The following ADAM22 variants were observed in gnomAD, a reference collection of about 807,000 sequenced individuals.
The protein encoded by ADAM22 is ADAM metallopeptidase domain 22, also known as disintegrin and metalloproteinase domain-containing protein 22.
A neutral mutation model predicts 144.6 loss-of-function variants in ADAM22; 65 were observed. The observed-to-expected ratio is 0.45, with a 90% CI of 0.37 to 0.55. The LOEUF (loss-of-function observed/expected upper bound fraction) is 0.55. Among genes scored for constraint, ADAM22 ranks in the 20% least tolerant of loss-of-function variants. The probability of loss-of-function intolerance (pLI) is 0.00; values close to 1 mark genes in which losing one functional copy is unlikely to be tolerated. For synonymous variants in ADAM22, 391 were observed against 412.6 expected, an observed-to-expected ratio of 0.95 and a Z score of 0.63; for missense variants, 974 against 1,184.9, an observed-to-expected ratio of 0.82 and a Z score of 2.61.
rs1491263697 is a variant in ADAM22, at chr7:88,096,229, ACT to A, written c.391-11946_391-11945del. Among the ~76,000 whole-genome samples the A allele has an allele frequency of 2.1e-4, 25 of 120,398 alleles. No homozygotes were observed. In the Admixed American group the frequency reaches 2.6e-3, roughly 13 times the overall value. The allele number at this position is 120,398 out of a possible 152,430, so 79.0% of individuals were successfully genotyped here. A position where few individuals can be genotyped will look rare whatever the true frequency, so the allele number is the denominator to read the frequency against. On this transcript the variant is annotated intron_variant, in intron 4 of 31. Coordinates refer to ENST00000413139, the MANE Select transcript of ADAM22 (RefSeq NM_001324418.2). ...TGAGTCATTGTGCCTGGCTGAAAAT[ACT>A]TTTTTTTTTTTTTCCCCCAAAGAAC...
chr7:88,170,956 G>GT (rs1844170760), intron 25 of ADAM22, among the ~76,000 whole-genome samples: 1 of 151,886 alleles, frequency 6.6e-6, no homozygotes, highest in African/African-American at 2.4e-5. Flanking sequence ...CATTGAACAA[G>GT]TATTTCCAAT....
intron 4 of ADAM22, among the ~76,000 whole-genome samples, chr7:88,080,246 A>C (rs987403116): frequency 6.6e-6 from 1 of 152,188 alleles, no homozygotes; most frequent in South Asian, 2.1e-4. Context: ...CTGAATGACT[A>C]CTGGGTACAT....
At chr7:87,999,642 A>G (rs1792060263) in intron 3 of ADAM22, among the ~76,000 whole-genome samples, 1 of 152,202 alleles carries the variant, frequency 6.6e-6, no homozygotes, top group Non-Finnish European at 1.5e-5. Flanking sequence ...AACATTTTAA[A>G]ACTTAGAGGG....
At chr7:88,150,026 G>A (rs1177036206) in intron 18 of ADAM22, among the ~76,000 whole-genome samples, 1 of 152,162 alleles carries the variant, frequency 6.6e-6, no homozygotes, top group African/African-American at 2.4e-5. Flanking sequence ...CCTGAGAGAT[G>A]TGAAGATGTG....
At chr7:88,123,011 A>G (rs560472497) in intron 7 of ADAM22, among the ~76,000 whole-genome samples, 10 of 152,288 alleles carry the variant, frequency 6.6e-5, no homozygotes, top group African/African-American at 2.2e-4. Context: ...ATGCTTTTCT[A>G]TGTCTATTAC....
At chr7:88,074,162 C>G (rs1439516501) in intron 3 of ADAM22, among the ~76,000 whole-genome samples, 1 of 151,992 alleles carries the variant, frequency 6.6e-6, no homozygotes, top group Non-Finnish European at 1.5e-5. Flanking sequence ...TCAATTGTGT[C>G]GAAGCTGAAA....
intron 3 of ADAM22, among the ~76,000 whole-genome samples, chr7:88,001,001 A>G (rs746974265): frequency 1.4e-4 from 21 of 152,222 alleles, no homozygotes; most frequent in Non-Finnish European, 2.5e-4. Flanking sequence ...TGATTGCATT[A>G]TCATGCAATT....
chr7:87,968,714 C>A (rs947788050), intron 2 of ADAM22, among the ~76,000 whole-genome samples: 3 of 152,072 alleles, frequency 2.0e-5, no homozygotes, highest in Non-Finnish European at 4.4e-5. Context: ...AGAGCATGAC[C>A]CTATCTCTAA....
At chr7:88,150,876 T>C (rs1838143588) in intron 18 of ADAM22, 105 bp from the exon 19 acceptor site, 3 of 947,686 alleles carry the variant, frequency 3.2e-6, no homozygotes, top group Non-Finnish European at 5.1e-6. Flanking sequence ...TATAAGGGAC[T>C]AGCCATATTA....
intron 22 of ADAM22, among the ~76,000 whole-genome samples, chr7:88,158,899 A>G (rs1840756680): frequency 6.6e-6 from 1 of 152,060 alleles, no homozygotes; most frequent in African/African-American, 2.4e-5. Flanking sequence ...GACAAGAAAT[A>G]ACCAAAATCA....
chr7:88,110,027 C>T (rs537113889), intron 5 of ADAM22, among the ~76,000 whole-genome samples: 1 of 152,166 alleles, frequency 6.6e-6, no homozygotes, highest in East Asian at 1.9e-4. Flanking sequence ...TAACCAGAGA[C>T]AGGAGGCCAT....
chr7:88,049,636 A>G (rs1479539967), intron 3 of ADAM22, among the ~76,000 whole-genome samples: 2 of 152,296 alleles, frequency 1.3e-5, no homozygotes, highest in South Asian at 4.1e-4. Flanking sequence ...AACCTCAGGT[A>G]TCTGCCCGCC....
chr7:88,087,461 G>T (rs935042418), intron 4 of ADAM22, among the ~76,000 whole-genome samples: 2 of 152,130 alleles, frequency 1.3e-5, no homozygotes, highest in African/African-American at 4.8e-5. Flanking sequence ...TTGAATGAAC[G>T]TATGAGGAAA....
chr7:87,966,041 C>G (rs1293876594), intron 2 of ADAM22, among the ~76,000 whole-genome samples: 1 of 152,148 alleles, frequency 6.6e-6, no homozygotes, highest in Non-Finnish European at 1.5e-5. Context: ...TTGTGTTTTT[C>G]TCACAGCATT....
intron 30 of ADAM22, among the ~76,000 whole-genome samples, chr7:88,187,153 G>A (rs1848508617): frequency 1.3e-5 from 2 of 152,208 alleles, no homozygotes; most frequent in African/African-American, 4.8e-5. Context: ...GAAACTAAGT[G>A]AAATGTGATG....
chr7:88,175,974 G>A (rs1845549147), intron 26 of ADAM22, among the ~76,000 whole-genome samples: 1 of 152,048 alleles, frequency 6.6e-6, no homozygotes, highest in East Asian at 1.9e-4. Context: ...TAGTAGTATT[G>A]TTATTATTAT....
chr7:88,146,700 A>C (rs540178679), intron 17 of ADAM22, among the ~76,000 whole-genome samples: 18 of 152,358 alleles, frequency 1.2e-4, no homozygotes, highest in South Asian at 2.1e-4. Flanking sequence ...TGATTTTTAC[A>C]GTTAAGCAAA....
At chr7:88,131,653 T>G (rs2129499078) in intron 11 of ADAM22, 1 of 551,114 alleles carries the variant, frequency 1.8e-6, no homozygotes, top group African/African-American at 1.9e-5. Context: ...AATGTTTAAT[T>G]TTTCAAGATA....
rs373610086 is a variant in ADAM22, at chr7:88,128,741, T to C, written c.753+65T>C. The C allele has an allele frequency of 9.1e-5, 121 of 1,323,936 alleles. No individual in the cohort carries two copies. In the African/African-American group the frequency reaches 1.7e-3, roughly 18 times the overall value. The allele number at this position is 1,323,936 out of a possible 1,614,324, so 82.0% of individuals were successfully genotyped here. A position where few individuals can be genotyped will look rare whatever the true frequency, so the allele number is the denominator to read the frequency against. Reference sequence around the variant, plus strand: ...GGTAAAACTGGTGAGTGCAAAAATATGTTTAGAAAAAACAAGAAGCCCATC... The same window carrying C: ...GGTAAAACTGGTGAGTGCAAAAATACGTTTAGAAAAAACAAGAAGCCCATC... On this transcript the variant is annotated intron_variant, in intron 9 of 31. Transcript: ENST00000413139.
Sources: allele counts gnomAD v4.1 joint callset (sites outside exome capture counted in the v4.1 genomes callset), GRCh38; gene constraint gnomAD v4.1.1; transcripts MANE v1.5; gene names NCBI Gene and HGNC (gene_info 2026-07-23, HGNC 2026-07-21).